Variants in CRTC1 observed in about 807,000 individuals in gnomAD.
The protein encoded by CRTC1 is CREB-regulated transcription coactivator 1.
CRTC1 carries 18 observed loss-of-function variants against 66.1 expected under a neutral mutation model. That is an observed-to-expected ratio of 0.27 (90% CI 0.19 to 0.40). CRTC1 has a LOEUF of 0.40. Ranked by LOEUF, CRTC1 falls within the 10% of genes least tolerant of loss-of-function variation. The probability of loss-of-function intolerance (pLI) is 1.00; values close to 1 mark genes in which losing one functional copy is unlikely to be tolerated. For synonymous variants in CRTC1, 416 were observed against 398.8 expected (o/e 1.04, Z -0.51); for missense variants, 669 against 887.9 (o/e 0.75, Z 3.13).
At chr19:18,692,876 C>T (rs2052879215) in intron 1 of CRTC1, among the ~76,000 whole-genome samples, 1 of 151,564 alleles carries the variant, frequency 6.6e-6, no homozygotes, top group Non-Finnish European at 1.5e-5. Flanking sequence ...GAGATAGAGA[C>T]TATCCTGGCT....
At position 18,775,717 on chromosome 19, in the gene CRTC1, C is replaced by T. The variant is rs371799394; in HGVS notation, c.1589C>T (p.Ser530Leu). The T allele has an allele frequency of 5.0e-5, 80 of 1,612,616 alleles. No individual in the cohort carries two copies. The highest frequency in any genetic ancestry group is 6.2e-5 in the Non-Finnish European group (73 of 1,179,848). ...LYSPGSTLNY[S>L]QAAMMGLTGS... is the part of the protein sequence containing the mutation. ...AGCCCGGGCTCCACACTCAACTACTCGCAGGCGGCCATGATGGGCCTCACG... is the reference window on the plus strand; with the variant it reads ...AGCCCGGGCTCCACACTCAACTACTTGCAGGCGGCCATGATGGGCCTCACG... Residue 530 changes from serine (S) to leucine (L), a missense_variant, in exon 13 of 14, where the codon TCG (serine) becomes TTG (leucine). By Grantham distance (145) the Ser-to-Leu change is moderately radical. This residue lies in a region of CRTC1 where 79 missense variants were observed against 100.1 expected (regional missense o/e 0.79). Coordinates refer to ENST00000321949, the MANE Select transcript of CRTC1 (RefSeq NM_015321.3).
At position 18,781,418 on chromosome 19, in the gene CRTC1, G is replaced by A. The variant is rs1013418082; in HGVS notation, c.*4036G>A. Reference sequence around the variant, plus strand: ...TTGGGGGTCCCTGGGACATTCTCCCGTCAGCTCCACCTGAGCCAAGTGTCC... The same window carrying A: ...TTGGGGGTCCCTGGGACATTCTCCCATCAGCTCCACCTGAGCCAAGTGTCC... On this transcript the variant is annotated 3_prime_UTR_variant, in exon 14 of 14. Coordinates refer to ENST00000321949, the MANE Select transcript of CRTC1 (RefSeq NM_015321.3). 4.8e-5 allele frequency: 11 copies of A among 229,816 alleles called. No homozygotes were observed. Among genetic ancestry groups the A allele is most frequent in the Admixed American group, 1.1e-4 (2 of 17,676 alleles). 14.2% of individuals were successfully genotyped at this position (229,816 alleles called of 1,614,324 possible).
In CRTC1 at chr19:18,721,494, T is replaced by C. The variant is rs1486871424; in HGVS notation, c.127-21416T>C. 1.0e-2 allele frequency among the ~76,000 whole-genome samples: 286 copies of C among 28,642 alleles called. 1 individual carries two copies. The highest frequency in any genetic ancestry group is 0.072 in the African/African-American group (262 of 3,660). The allele number at this position is 28,642 out of a possible 152,430, so 18.8% of individuals were successfully genotyped here. On this transcript the variant is annotated intron_variant, in intron 1 of 13. Transcript: ENST00000321949. ...AGGCATGAGCCACCACACCCGGCCT[T>C]TTTTTTTTTTTTTTTTTTTAAACAA...
intron 1 of CRTC1, among the ~76,000 whole-genome samples, chr19:18,694,461 T>C (rs967954159): frequency 1.4e-4 from 21 of 152,174 alleles, no homozygotes; most frequent in African/African-American, 5.1e-4. Flanking sequence ...GTGGCTGCTT[T>C]TGTGGGACAT....
At chr19:18,736,283 C>T (rs1293316806) in intron 1 of CRTC1, among the ~76,000 whole-genome samples, 1 of 152,136 alleles carries the variant, frequency 6.6e-6, no homozygotes, top group Non-Finnish European at 1.5e-5. Flanking sequence ...TTGGGAAGCC[C>T]CGAGTTATGG....
At chr19:18,689,564 C>CATATATATATATATATAT (rs10616884) in intron 1 of CRTC1, among the ~76,000 whole-genome samples, 11 of 38,338 alleles carry the variant, frequency 2.9e-4, no homozygotes, top group African/African-American at 1.7e-3. Context: ...AATTGATGGC[C>CATATATATATATATATAT]ATATATATAT....
rs549302462 is a variant in CRTC1 at position 18,692,793 on chromosome 19, G to T, written c.126+8965G>T. Among the ~76,000 whole-genome samples the T allele has an allele frequency of 4.6e-5, 7 of 152,010 alleles. No homozygotes were observed. In the East Asian group the frequency reaches 1.4e-3, roughly 29 times the overall value. ...TCTGCAGTTAGAAATTCATTTTTCT[G>T]GGCCGGGCACGGTGGCTCACGCCTG... On this transcript the variant is annotated intron_variant, in intron 1 of 13. Transcript: ENST00000321949.
At position 18,771,668 on chromosome 19, in the gene CRTC1, C is replaced by T; in HGVS notation, c.1425+122C>T. ...TCCTCATGCATGTCCTCATGCATCC[C>T]ATCCCGTCCACGCCATCGGACCTGA... On this transcript the variant is annotated intron_variant, in intron 11 of 13. Coordinates refer to ENST00000321949, the MANE Select transcript of CRTC1 (RefSeq NM_015321.3). The surrounding 1 kb of genome is among the most constrained non-coding windows in gnomAD (Gnocchi z 4.6). The T allele has an allele frequency of 1.3e-6, 1 of 755,668 alleles. No homozygotes were observed. Among genetic ancestry groups the T allele is most frequent in the Non-Finnish European group, 2.2e-6 (1 of 448,008 alleles). The allele number at this position is 755,668 out of a possible 1,614,324, so 46.8% of individuals were successfully genotyped here. A position where few individuals can be genotyped will look rare whatever the true frequency, so the allele number is the denominator to read the frequency against.
At position 18,729,723 on chromosome 19, in the gene CRTC1, A is replaced by G. The variant is rs141019464; in HGVS notation, c.127-13187A>G. 3.5e-3 allele frequency among the ~76,000 whole-genome samples: 536 copies of G among 152,276 alleles called. 1 individual carries two copies. The highest frequency in any genetic ancestry group is 0.01 in the Middle Eastern group (3 of 294). ...ACCACTGCACTCCAGTCTGGGTGAC[A>G]CAGCAAGACCCCATCTTTAAAAGAA... On this transcript the variant is annotated intron_variant, in intron 1 of 13. Coordinates refer to ENST00000321949, the MANE Select transcript of CRTC1 (RefSeq NM_015321.3).
At chr19:18,686,306 G>T (rs1215107360) in intron 1 of CRTC1, among the ~76,000 whole-genome samples, 1 of 152,152 alleles carries the variant, frequency 6.6e-6, no homozygotes, top group Non-Finnish European at 1.5e-5. Flanking sequence ...ATATTCCGTT[G>T]TATGGATATA....
chr19:18,768,941 A>G lies in CRTC1; in HGVS notation c.1320+148A>G. 1 of 1,013,478 alleles carries G rather than the reference A, an allele frequency of 9.9e-7. No individual in the cohort carries two copies. The highest frequency in any genetic ancestry group is 1.4e-6 in the Non-Finnish European group (1 of 712,654). 62.8% of individuals were successfully genotyped at this position (1,013,478 alleles called of 1,614,324 possible). ...CCTGGGCCCACCTCTCCACGGGGCT[A>G]CCCCTTGGAATCAAACTGAGACTGT... On this transcript the variant is annotated intron_variant, in intron 10 of 13. Coordinates refer to ENST00000321949, the MANE Select transcript of CRTC1 (RefSeq NM_015321.3). The surrounding 1 kb of genome is among the most constrained non-coding windows in gnomAD (Gnocchi z 5.6).
intron 10 of CRTC1, among the ~76,000 whole-genome samples, chr19:18,770,283 C>T (rs1054103872): frequency 6.6e-6 from 1 of 152,232 alleles, no homozygotes; most frequent in African/African-American, 2.4e-5. Context: ...ATGCCCGGGC[C>T]TTTCGTCCCT....
At chr19:18,728,551 AG>A (rs2053811796) in intron 1 of CRTC1, among the ~76,000 whole-genome samples, 1 of 151,964 alleles carries the variant, frequency 6.6e-6, no homozygotes, top group Non-Finnish European at 1.5e-5. Context: ...CTTGTGGCCC[AG>A]GCTGGGGTGC....
chr19:18,710,945 C>G (rs953143362), intron 1 of CRTC1, among the ~76,000 whole-genome samples: 2 of 152,300 alleles, frequency 1.3e-5, no homozygotes, highest in East Asian at 3.9e-4. Flanking sequence ...AAGCCCATGC[C>G]CAGGCTTGGC....
rs150910149 is a variant in CRTC1, at chr19:18,747,103, C to T, written c.432C>T (p.Thr144=). The T allele has an allele frequency of 1.2e-6, 2 of 1,611,696 alleles. No homozygotes were observed. Among genetic ancestry groups the T allele is most frequent in the Non-Finnish European group, 1.7e-6 (2 of 1,179,348 alleles). ...TGTACCTCTCACCACCCGCGGACAC[C>T]AGCTGGAGAAGGTCAGTGGCTGGAC... is the stretch of plus-strand genomic sequence containing the variant. ...GTMYLSPPAD[T]SWRRTNSDSA... Residue 144 remains threonine, a synonymous_variant, in exon 4 of 14, where the codon ACC becomes ACT. Coordinates refer to ENST00000321949, the MANE Select transcript of CRTC1 (RefSeq NM_015321.3).
chr19:18,728,941 T>G (rs1385588372), intron 1 of CRTC1, among the ~76,000 whole-genome samples: 1 of 149,798 alleles, frequency 6.7e-6, no homozygotes, highest in Non-Finnish European at 1.5e-5. Context: ...GCCTCCCAAG[T>G]ACCTGGCATT....
At position 18,689,583 on chromosome 19, in the gene CRTC1, A is replaced by ATATATATATATATATATATATATACG. The variant is rs60084986; in HGVS notation, c.126+5758_126+5759insATATATATATATATATATATACGTAT. 3.0e-5 allele frequency among the ~76,000 whole-genome samples: 2 copies of ATATATATATATATATATATATATACG among 65,736 alleles called. 1 individual carries two copies. The highest frequency in any genetic ancestry group is 5.0e-5 in the Non-Finnish European group (2 of 39,778). 43.1% of individuals were successfully genotyped at this position (65,736 alleles called of 152,430 possible). On this transcript the variant is annotated intron_variant, in intron 1 of 13. Transcript: ENST00000321949. Reference sequence around the variant, plus strand: ...GATGGCCATATATATATATATATATATATGTAATATAACACTTACCATTTT... The same window carrying ATATATATATATATATATATATATACG: ...GATGGCCATATATATATATATATATATATATATATATATATATATATATACGTATGTAATATAACACTTACCATTTT...
Position 18,745,908 on chromosome 19 carries a change from G to A in CRTC1, c.329G>A (p.Arg110Gln). The A allele has an allele frequency of 6.2e-7, 1 of 1,613,174 alleles. No homozygotes were observed. Among genetic ancestry groups the A allele is most frequent in the Non-Finnish European group, 8.5e-7 (1 of 1,179,800 alleles). ...GACAGGGTGTACCGGGAGCGTGGCC[G>A]GCTCGGCTCCCCACACCGCCGGCCC... is the stretch of plus-strand genomic sequence containing the variant. Reference protein sequence around the residue: ...LVDRVYRERGRLGSPHRRPLS... With the variant: ...LVDRVYRERGQLGSPHRRPLS... The change falls in exon 3 of 14, where the codon CGG becomes CAG. Residue 110 changes from arginine (R) to glutamine (Q), a missense_variant. By Grantham distance (43) the Arg-to-Gln change is conservative. Transcript: ENST00000321949.
At chr19:18,731,964 GCTTCAC>G (rs1207186466) in intron 1 of CRTC1, among the ~76,000 whole-genome samples, 5 of 152,216 alleles carry the variant, frequency 3.3e-5, no homozygotes, top group African/African-American at 1.2e-4. Context: ...GGCTCCGTGG[GCTTCAC>G]CTGGGTTTGG....
Sources: gnomAD v4.1 joint callset for allele counts (sites outside exome capture counted in the v4.1 genomes callset) on GRCh38, gnomAD v4.1.1 for gene constraint, gnomAD v4.1.1 regional missense constraint, Gnocchi (gnomAD v3.1) non-coding constraint, MANE v1.5 for transcripts, NCBI Gene and HGNC (gene_info 2026-07-23, HGNC 2026-07-21) for gene names.